Variants in OSBPL5 observed in about 807,000 individuals in gnomAD.
The protein encoded by OSBPL5 is oxysterol binding protein like 5.
A neutral mutation model predicts 111.2 loss-of-function variants in OSBPL5; 71 were observed. That is an observed-to-expected ratio of 0.64 (90% CI 0.53 to 0.78). The LOEUF (loss-of-function observed/expected upper bound fraction) is 0.78. OSBPL5 is among the 30% of genes least tolerant of loss of function. The probability of loss-of-function intolerance (pLI) is 0.00; values close to 1 mark genes in which losing one functional copy is unlikely to be tolerated. For missense variants in OSBPL5, 1,210 were observed against 1,189.3 expected (o/e 1.02, Z -0.26); for synonymous variants, 549 against 513.9 (o/e 1.07, Z -0.93).
rs76596605 is a variant in OSBPL5 at position 3,121,984 on chromosome 11, G to A, written c.402+13C>T. 7.5e-5 allele frequency: 117 copies of A among 1,550,674 alleles called. No individual in the cohort carries two copies. The African/African-American group carries it at 1.4e-3, about 18-fold the overall frequency. ...CCCGTGTCCTGGGTGGCCGGAGGCC[G>A]GGCATCACCTACCTTCAGGCTGTCA... On this transcript the variant is annotated intron_variant, in intron 5 of 21. Coordinates refer to ENST00000263650, the MANE Select transcript of OSBPL5 (RefSeq NM_020896.4). This position sits in a 1 kb window ranked among gnomAD's most constrained non-coding sequence, Gnocchi z 4.3.
At chr11:3,149,607 A>G (rs1006399749) in intron 1 of OSBPL5, among the ~76,000 whole-genome samples, 3 of 152,216 alleles carry the variant, frequency 2.0e-5, no homozygotes, top group Non-Finnish European at 4.4e-5. Context: ...AGCCTTGCCC[A>G]GGCTCTTTTG....
At position 3,092,886 on chromosome 11, in the gene OSBPL5, ACT is replaced by A; in HGVS notation, c.2111_2112del (p.Glu704ValfsTer21). ...ACTCACTCCTCGTATCGGTAGTGCCACTCCTGGGTGATGGGGTCCAGGTGGAA... is the reference window on the plus strand; with the variant it reads ...ACTCACTCCTCGTATCGGTAGTGCCACCTGGGTGATGGGGTCCAGGTGGAA... The part of the protein sequence containing the change: ...QLFHLDPITQ[E>X]WHYRYEDHSP... On this transcript the variant is annotated frameshift_variant, in exon 18 of 22. Coordinates refer to ENST00000263650, the MANE Select transcript of OSBPL5 (RefSeq NM_020896.4). LOFTEE classifies it high-confidence loss of function. This position sits in a 1 kb window ranked among gnomAD's most constrained non-coding sequence, Gnocchi z 5.4. 6.4e-7 allele frequency: 1 copy of A among 1,551,808 alleles called. No individual in the cohort carries two copies. The highest frequency in any genetic ancestry group is 1.2e-5 in the South Asian group (1 of 84,090).
In OSBPL5 at chr11:3,092,856, T is replaced by G. The variant is rs1329798290; in HGVS notation, c.2132+11A>C. On this transcript the variant is annotated intron_variant, in intron 18 of 21. Transcript: ENST00000263650. This position sits in a 1 kb window ranked among gnomAD's most constrained non-coding sequence, Gnocchi z 5.4. ...CCACCCTGTGGCCCCCAGGGCTTTG[T>G]CGGCACTCACTCCTCGTATCGGTAG... 1 of 1,520,080 alleles carries G rather than the reference T, an allele frequency of 6.6e-7. No homozygotes were observed. The highest frequency in any genetic ancestry group is 8.9e-7 in the Non-Finnish European group (1 of 1,126,150). 94.2% of individuals were successfully genotyped at this position (1,520,080 alleles called of 1,614,324 possible).
intron 7 of OSBPL5, among the ~76,000 whole-genome samples, chr11:3,118,412 C>T (rs1564841245): frequency 6.6e-6 from 1 of 152,200 alleles, no homozygotes; most frequent in Non-Finnish European, 1.5e-5. Context: ...CCCGCCTTTC[C>T]AGACCGAACC....
chr11:3,141,546 A>G lies in OSBPL5; in HGVS notation c.-21-12377T>C, dbSNP rs147861883. 4.9e-4 allele frequency among the ~76,000 whole-genome samples: 74 copies of G among 152,332 alleles called. 4 individuals are homozygous for G. The East Asian group carries it at 0.011, about 22-fold the overall frequency. ...GAGAGCTTGCCAAAGTGTTCAGGAA[A>G]TGGCATTAATGGGGTCCATTATGGC... On this transcript the variant is annotated intron_variant, in intron 1 of 21. Coordinates refer to ENST00000263650, the MANE Select transcript of OSBPL5 (RefSeq NM_020896.4). This position sits in a 1 kb window ranked among gnomAD's most constrained non-coding sequence, Gnocchi z 6.5.
intron 1 of OSBPL5, among the ~76,000 whole-genome samples, chr11:3,149,646 G>A (rs550229773): frequency 3.5e-4 from 54 of 152,340 alleles, no homozygotes; most frequent in Middle Eastern, 3.4e-3. Flanking sequence ...GGTCGTCCTG[G>A]GAGGCAGGTC....
chr11:3,129,211 G>A lies in OSBPL5; in HGVS notation c.-21-42C>T, dbSNP rs377592199. 1.8e-4 allele frequency: 247 copies of A among 1,358,124 alleles called. 2 individuals are homozygous for A. In the East Asian group the frequency reaches 6.5e-3, roughly 36 times the overall value. The allele number at this position is 1,358,124 out of a possible 1,614,324, so 84.1% of individuals were successfully genotyped here. A position where few individuals can be genotyped will look rare whatever the true frequency, so the allele number is the denominator to read the frequency against. On this transcript the variant is annotated intron_variant, in intron 1 of 21. Coordinates refer to ENST00000263650, the MANE Select transcript of OSBPL5 (RefSeq NM_020896.4). ...AGGGGCAGCAGGAGGTCACCGCCCC[G>A]GAAGGGGCTTCAGAGCCACATGGTG...
intron 7 of OSBPL5, among the ~76,000 whole-genome samples, chr11:3,112,956 GA>G (rs917813974): frequency 7.9e-5 from 12 of 151,586 alleles, no homozygotes; most frequent in African/African-American, 2.7e-4. Flanking sequence ...TCTAAGACAG[GA>G]AAAAAAAATT....
intron 7 of OSBPL5, among the ~76,000 whole-genome samples, chr11:3,115,076 T>A (rs768841922): frequency 6.6e-6 from 1 of 152,314 alleles, no homozygotes; most frequent in East Asian, 1.9e-4. Context: ...TCATATAAGT[T>A]TTGTTTTCCT....
chr11:3,131,035 G>A (rs1388819380), intron 1 of OSBPL5, among the ~76,000 whole-genome samples: 1 of 152,090 alleles, frequency 6.6e-6, no homozygotes, highest in African/African-American at 2.4e-5. Context: ...TGGTGACAGC[G>A]ATTCCCAGGT....
intron 19 of OSBPL5, among the ~76,000 whole-genome samples, chr11:3,091,650 G>C (rs990193829): frequency 1.3e-5 from 2 of 152,110 alleles, no homozygotes; most frequent in African/African-American, 4.8e-5. Context: ...CTGTGCTGCA[G>C]ACATAGGGGG....
At chr11:3,128,628 C>T (rs924731279) in intron 2 of OSBPL5, among the ~76,000 whole-genome samples, 2 of 152,166 alleles carry the variant, frequency 1.3e-5, no homozygotes, top group Non-Finnish European at 2.9e-5. Context: ...ATAGATCAGT[C>T]AACTGAGGCC....
chr11:3,098,468 T>C (rs1324212194), intron 14 of OSBPL5, among the ~76,000 whole-genome samples: 1 of 100,966 alleles, frequency 9.9e-6, no homozygotes, highest in East Asian at 6.5e-4. Context: ...AATCCAGAGC[T>C]ATCAAGCCAT....
At chr11:3,103,832 C>CTGCCTCTGT (rs1857583119) in intron 10 of OSBPL5, among the ~76,000 whole-genome samples, 2 of 68,816 alleles carry the variant, frequency 2.9e-5, no homozygotes, top group African/African-American at 4.1e-5. Flanking sequence ...AGCCCCCTTC[C>CTGCCTCTGT]AGCCTCTGCA....
chr11:3,090,235 C>T (rs1416274399), intron 20 of OSBPL5, among the ~76,000 whole-genome samples: 2 of 152,228 alleles, frequency 1.3e-5, no homozygotes, highest in Non-Finnish European at 2.9e-5. Context: ...GTTGGGGAGA[C>T]ACAGCTCCTG....
intron 7 of OSBPL5, among the ~76,000 whole-genome samples, chr11:3,119,155 G>A (rs767138448): frequency 1.3e-5 from 2 of 152,074 alleles, no homozygotes; most frequent in East Asian, 1.9e-4. Flanking sequence ...GATTACAGGC[G>A]CCTGCCACCA....
intron 5 of OSBPL5, among the ~76,000 whole-genome samples, 188 bp from the exon 6 acceptor site, chr11:3,120,812 G>T (rs1479223790): frequency 6.6e-6 from 1 of 152,200 alleles, no homozygotes; most frequent in Non-Finnish European, 1.5e-5. Flanking sequence ...GTGATGTCCT[G>T]TGTCTATCGT....
chr11:3,135,725 G>A (rs1442078796), intron 1 of OSBPL5, among the ~76,000 whole-genome samples: 3 of 152,214 alleles, frequency 2.0e-5, no homozygotes, highest in African/African-American at 4.8e-5. Context: ...AGCGCCTGGG[G>A]GCCGCCTTGC....
At chr11:3,103,923 G>GC (rs1204128649) in intron 10 of OSBPL5, among the ~76,000 whole-genome samples, 3 of 149,500 alleles carry the variant, frequency 2.0e-5, no homozygotes, top group Admixed American at 1.3e-4. Flanking sequence ...TGCCTCTGCA[G>GC]CCCATCCCAT....
Sources: allele counts gnomAD v4.1 joint callset (sites outside exome capture counted in the v4.1 genomes callset), GRCh38; gene constraint gnomAD v4.1.1; non-coding constraint Gnocchi (gnomAD v3.1); transcripts MANE v1.5; gene names NCBI Gene and HGNC (gene_info 2026-07-23, HGNC 2026-07-21).